PHYH: variants seen among roughly 807,000 people sequenced by gnomAD.
The protein encoded by PHYH is phytanoyl-CoA 2-hydroxylase, also known as phytanoyl-CoA dioxygenase, peroxisomal.
A neutral mutation model predicts 38.5 loss-of-function variants in PHYH; 32 were observed. The observed-to-expected ratio is 0.83, with a 90% confidence interval of 0.63 to 1.12. PHYH has a LOEUF of 1.12. PHYH is among the 50% of genes most tolerant of loss of function. The pLI, the probability that PHYH is intolerant of heterozygous loss-of-function variation, is 0.00. For synonymous variants in PHYH, 166 were observed against 157.9 expected (o/e 1.05, Z -0.38); for missense variants, 426 against 434.8 (o/e 0.98, Z 0.18).
Position 13,298,176 on chromosome 10 carries a change from A to C in PHYH, c.134+11T>G, listed in dbSNP as rs1160994408. On this transcript the variant is annotated intron_variant, in intron 2 of 8. Coordinates refer to ENST00000263038, the MANE Select transcript of PHYH (RefSeq NM_006214.4). ...ATAATATATTTCAAAATCAAAACTC[A>C]AACTACTTACTGGAATTGTTGAGGA... is the stretch of plus-strand genomic sequence containing the variant. 6.4e-7 allele frequency: 1 copy of C among 1,569,452 alleles called. No homozygotes were observed.
Position 13,294,533 on chromosome 10 carries a change from A to G in PHYH, c.309T>C (p.Asp103=), listed in dbSNP as rs2131651864. The G allele has an allele frequency of 6.2e-7, 1 of 1,613,752 alleles. No homozygotes were observed. The highest frequency in any genetic ancestry group is 8.5e-7 in the Non-Finnish European group (1 of 1,179,642). Residue 103 remains aspartate, a synonymous_variant, in exon 4 of 9, where the codon GAT becomes GAC. Transcript: ENST00000263038. Reference sequence around the variant, plus strand: ...CATATTCGGATTTCGAAATGGTCACATCTCTCATTACTGTTAATCCTAATG... The same window carrying G: ...CATATTCGGATTTCGAAATGGTCACGTCTCTCATTACTGTTAATCCTAATG... ...VKPLGLTVMR[D]VTISKSEYAP...
chr10:13,295,186 G>GGGTA (rs557041313), intron 3 of PHYH: 48 of 336,896 alleles, frequency 1.4e-4, no homozygotes, highest in South Asian at 1.3e-3. Flanking sequence ...AAAATTAGCT[G>GGGTA]GGTATGGTGG....
At chr10:13,282,606 AAG>A (rs200724372) in intron 7 of PHYH, among the ~76,000 whole-genome samples, 26,474 of 134,984 alleles carry the variant, frequency 0.2, 3,196 homozygotes, top group South Asian at 0.3. Flanking sequence ...AAAAAAAAAA[AAG>A]AAAAAAGGAA....
intron 7 of PHYH, among the ~76,000 whole-genome samples, chr10:13,282,798 A>T (rs1312264484): frequency 3.3e-5 from 5 of 151,996 alleles, no homozygotes; most frequent in South Asian, 2.1e-4. Flanking sequence ...TGATTTTTTT[A>T]AATTTCGCAT....
At chr10:13,284,870 A>T (rs922257883) in intron 6 of PHYH, among the ~76,000 whole-genome samples, 10 of 152,138 alleles carry the variant, frequency 6.6e-5, no homozygotes, top group South Asian at 2.1e-4. Flanking sequence ...CATCCCTCTT[A>T]GACAGTGCTG....
chr10:13,289,630 T>C (rs1293273805), intron 5 of PHYH, among the ~76,000 whole-genome samples: 1 of 152,018 alleles, frequency 6.6e-6, no homozygotes, highest in African/African-American at 2.4e-5. Flanking sequence ...TTGAAGTGGC[T>C]GATGTCAAAA....
chr10:13,299,992 G>T lies in PHYH; in HGVS notation c.51C>A (p.Leu17=). The change falls in exon 1 of 9, where the codon CTC becomes CTA. Residue 17 remains leucine, a synonymous_variant. Coordinates refer to ENST00000263038, the MANE Select transcript of PHYH (RefSeq NM_006214.4). ...AARLQIVLGH[L]GRPSAGAVVA... is the part of the protein sequence containing the mutation. Reference sequence around the variant, plus strand: ...CGACAGCCCCGGCCGAGGGGCGGCCGAGGTGGCCCAGAACAATCTGCAGAC... The same window carrying T: ...CGACAGCCCCGGCCGAGGGGCGGCCTAGGTGGCCCAGAACAATCTGCAGAC... 4 of 1,531,944 alleles carry T rather than the reference G, an allele frequency of 2.6e-6. No individual in the cohort carries two copies. The highest frequency in any genetic ancestry group is 3.5e-6 in the Non-Finnish European group (4 of 1,144,340). The allele number at this position is 1,531,944 out of a possible 1,614,324, so 94.9% of individuals were successfully genotyped here.
chr10:13,282,487 G>A (rs561990791), intron 7 of PHYH, among the ~76,000 whole-genome samples: 14 of 150,884 alleles, frequency 9.3e-5, no homozygotes, highest in South Asian at 4.2e-4. Flanking sequence ...AGCTACTCAC[G>A]AGGCTGAGGC....
At chr10:13,287,044 A>G (rs4750342) in intron 6 of PHYH, among the ~76,000 whole-genome samples, 87,158 of 152,024 alleles carry the variant, frequency 0.57, 26,106 homozygotes, top group African/African-American at 0.76. Flanking sequence ...TTTGTTTTTT[A>G]ATTAAAAGCT....
chr10:13,280,008 G>A (rs1022430663), intron 8 of PHYH, among the ~76,000 whole-genome samples: 2 of 151,966 alleles, frequency 1.3e-5, no homozygotes, highest in East Asian at 3.9e-4. Flanking sequence ...TCGCTCTGTC[G>A]CCCAGGCTGG....
intron 1 of PHYH, among the ~76,000 whole-genome samples, chr10:13,298,718 C>CTACTACTACTACTACTACT (rs1554785619): frequency 5.4e-5 from 5 of 93,442 alleles, no homozygotes; most frequent in African/African-American, 1.5e-4. Context: ...AAACTACCAC[C>CTACTACTACTACTACTACT]ACTACTACTA....
chr10:13,278,343 C>T lies in PHYH; in HGVS notation c.975G>A (p.Met325Ile). The T allele has an allele frequency of 6.2e-7, 1 of 1,611,018 alleles. No homozygotes were observed. Residue 325 changes from methionine to isoleucine, a missense_variant, in exon 9 of 9, where the codon ATG becomes ATA. Transcript: ENST00000263038. ...CTCCTTTCACAAGTCGAGCTCGAAACATCCAAATATCCTGGAAATAATATC... is the reference window on the plus strand; with the variant it reads ...CTCCTTTCACAAGTCGAGCTCGAAATATCCAAATATCCTGGAAATAATATC... ...ENSVNLKDIW[M>I]FRARLVKGER...
At chr10:13,289,032 A>G (rs1408451814) in intron 5 of PHYH, among the ~76,000 whole-genome samples, 1 of 152,036 alleles carries the variant, frequency 6.6e-6, no homozygotes, top group Admixed American at 6.6e-5. Context: ...AATGCTAGAG[A>G]AAATCAGCCC....
intron 6 of PHYH, 52 bp from the exon 7 acceptor site, chr10:13,283,891 AAC>A: frequency 2.1e-6 from 3 of 1,459,364 alleles, no homozygotes; most frequent in Non-Finnish European, 2.9e-6. Context: ...CATAATTAAA[AAC>A]ATTGTCAATG....
intron 3 of PHYH, 173 bp downstream of exon 3, chr10:13,295,323 T>C: frequency 1.7e-6 from 1 of 592,110 alleles, no homozygotes; most frequent in Non-Finnish European, 3.0e-6. Flanking sequence ...GTGAGAACCT[T>C]TCTCTATAAA....
At position 13,278,296 on chromosome 10, in the gene PHYH, C is replaced by G. The variant is rs368235424; in HGVS notation, c.*5G>C. On this transcript the variant is annotated 3_prime_UTR_variant, in exon 9 of 9. Coordinates refer to ENST00000263038, the MANE Select transcript of PHYH (RefSeq NM_006214.4). ...CTGTTGAAAGAGTTATAGCAGATGG[C>G]TATTTCAAAGATTGGTTCTTTCTCC... 4 of 1,600,070 alleles carry G rather than the reference C, an allele frequency of 2.5e-6. No individual in the cohort carries two copies. The African/African-American group carries it at 4.0e-5, about 16-fold the overall frequency.
chr10:13,285,184 ATTATTATTG>A (rs1315302051), intron 6 of PHYH, among the ~76,000 whole-genome samples: 1 of 152,008 alleles, frequency 6.6e-6, no homozygotes, highest in Non-Finnish European at 1.5e-5. Context: ...TTCTATTATT[ATTATTATTG>A]TTATTACTGA....
chr10:13,295,465 T>C lies in PHYH; in HGVS notation c.245+31A>G, dbSNP rs200937622. On this transcript the variant is annotated intron_variant, in intron 3 of 8. Coordinates refer to ENST00000263038, the MANE Select transcript of PHYH (RefSeq NM_006214.4). ...CTCATTACATGCACACAATACATAC[T>C]ATTGTAAAATAACAAATAGTGTTAC... 3.3e-5 allele frequency: 34 copies of C among 1,031,204 alleles called. No individual in the cohort carries two copies. The Middle Eastern group carries it at 1.2e-3, about 37-fold the overall frequency. The allele number at this position is 1,031,204 out of a possible 1,614,324, so 63.9% of individuals were successfully genotyped here. A position where few individuals can be genotyped will look rare whatever the true frequency, so the allele number is the denominator to read the frequency against.
chr10:13,280,835 G>T, intron 8 of PHYH, 141 bp downstream of exon 8: 2 of 796,574 alleles, frequency 2.5e-6, no homozygotes, highest in Non-Finnish European at 4.2e-6. Context: ...TGTCATTTTT[G>T]GTGGGGGCTC....
Sources: gnomAD v4.1 joint callset for allele counts (sites outside exome capture counted in the v4.1 genomes callset) on GRCh38, gnomAD v4.1.1 for gene constraint, MANE v1.5 for transcripts, NCBI Gene and HGNC (gene_info 2026-07-23, HGNC 2026-07-21) for gene names.